Variants in FIGN observed in about 807,000 individuals in gnomAD.
FIGN encodes the protein fidgetin, microtubule severing factor, also known as fidgetin.
FIGN carries 11 observed loss-of-function variants against 51.3 expected under a neutral mutation model. The observed-to-expected ratio is 0.21, with a 90% CI of 0.13 to 0.35. The LOEUF (loss-of-function observed/expected upper bound fraction) is 0.35. FIGN is among the 10% of genes least tolerant of loss of function. The pLI, the probability that FIGN is intolerant of heterozygous loss-of-function variation, is 1.00. For synonymous variants in FIGN, 407 were observed against 363.2 expected (o/e 1.12, Z -1.37); for missense variants, 857 against 943.6 (o/e 0.91, Z 1.20).
At chr2:163,707,374 G>GA (rs1684517921) in intron 2 of FIGN, among the ~76,000 whole-genome samples, 1 of 151,330 alleles carries the variant, frequency 6.6e-6, no homozygotes, top group South Asian at 2.1e-4. Context: ...AACAAAAAAA[G>GA]AAAAAACACT....
At chr2:163,654,950 G>A (rs1412546379) in intron 2 of FIGN, among the ~76,000 whole-genome samples, 4 of 152,112 alleles carry the variant, frequency 2.6e-5, no homozygotes, top group Non-Finnish European at 5.9e-5. Flanking sequence ...AAACCATAGA[G>A]GGCACTTCAG....
intron 2 of FIGN, among the ~76,000 whole-genome samples, chr2:163,725,581 A>AT (rs1389146679): frequency 1.3e-5 from 2 of 152,046 alleles, no homozygotes; most frequent in South Asian, 2.1e-4. Flanking sequence ...AAAATTGTAG[A>AT]TTTTTTACCC....
chr2:163,692,627 A>G (rs951683310), intron 2 of FIGN, among the ~76,000 whole-genome samples: 1 of 152,222 alleles, frequency 6.6e-6, no homozygotes. Context: ...CCTGAAAGGT[A>G]ATAGAGGAGA....
chr2:163,714,780 C>G (rs556914580), intron 2 of FIGN, among the ~76,000 whole-genome samples: 11 of 152,284 alleles, frequency 7.2e-5, no homozygotes, highest in African/African-American at 2.6e-4. Flanking sequence ...TAATCTTATA[C>G]CCATTAATTC....
intron 2 of FIGN, among the ~76,000 whole-genome samples, chr2:163,624,016 C>T (rs1026314844): frequency 6.6e-6 from 1 of 151,762 alleles, no homozygotes; most frequent in Non-Finnish European, 1.5e-5. Flanking sequence ...AGGCTTTTTA[C>T]ATTAACAGGT....
intron 2 of FIGN, among the ~76,000 whole-genome samples, chr2:163,649,376 T>C (rs1683434407): frequency 6.6e-6 from 1 of 152,222 alleles, no homozygotes; most frequent in African/African-American, 2.4e-5. Flanking sequence ...CTTTCAGTCC[T>C]AACAGCTTCG....
chr2:163,637,009 G>A lies in FIGN; in HGVS notation c.26-25203C>T, dbSNP rs371077136. Among the ~76,000 whole-genome samples the A allele has an allele frequency of 1.3e-4, 20 of 151,394 alleles. No individual in the cohort carries two copies. In the East Asian group the frequency reaches 1.4e-3, roughly 10 times the overall value. ...CATGAGAATTGCTTGAACCTGGGAG[G>A]TAGAGGTTGCAGTGAGCCGAGATCA... On this transcript the variant is annotated intron_variant, in intron 2 of 2. Coordinates refer to ENST00000333129, the MANE Select transcript of FIGN (RefSeq NM_018086.4).
At chr2:163,675,706 CTTTTTTTT>C (rs900840520) in intron 2 of FIGN, among the ~76,000 whole-genome samples, 74 of 100,514 alleles carry the variant, frequency 7.4e-4, no homozygotes, top group South Asian at 6.1e-3. Flanking sequence ...TTCTTTCTTT[CTTTTTTTT>C]TTTTTTTTTT....
intron 2 of FIGN, among the ~76,000 whole-genome samples, chr2:163,718,058 G>T (rs754981226): frequency 2.6e-5 from 4 of 152,024 alleles, no homozygotes; most frequent in African/African-American, 4.8e-5. Flanking sequence ...GAAAGTACAG[G>T]GGGGAGGGGG....
At chr2:163,691,426 C>T (rs1365838768) in intron 2 of FIGN, among the ~76,000 whole-genome samples, 2 of 152,118 alleles carry the variant, frequency 1.3e-5, no homozygotes, top group African/African-American at 2.4e-5. Flanking sequence ...GCTACCTGTC[C>T]TCCTTCACTC....
At chr2:163,656,551 G>T (rs1032601226) in intron 2 of FIGN, among the ~76,000 whole-genome samples, 2 of 152,082 alleles carry the variant, frequency 1.3e-5, no homozygotes, top group African/African-American at 4.8e-5. Context: ...TGTATGCCAT[G>T]CCTGAGAAGA....
intron 2 of FIGN, among the ~76,000 whole-genome samples, chr2:163,643,055 T>C (rs1683327711): frequency 1.3e-5 from 2 of 152,098 alleles, no homozygotes; most frequent in African/African-American, 4.8e-5. Context: ...TCATACGAAA[T>C]TGCCAGGGCC....
chr2:163,643,504 A>G (rs2105317607), intron 2 of FIGN, among the ~76,000 whole-genome samples: 1 of 151,240 alleles, frequency 6.6e-6, no homozygotes, highest in African/African-American at 2.4e-5. Context: ...TACAAAAATT[A>G]GCTGGGTGTG....
At chr2:163,734,557 C>CAAAAAAAAA (rs34286375) in intron 2 of FIGN, among the ~76,000 whole-genome samples, 1 of 102,872 alleles carries the variant, frequency 9.7e-6, no homozygotes, top group Non-Finnish European at 1.8e-5. Flanking sequence ...CTCCCTCCTT[C>CAAAAAAAAA]AAAAAAAAAA....
chr2:163,637,812 C>T (rs1405168653), intron 2 of FIGN, among the ~76,000 whole-genome samples: 1 of 151,988 alleles, frequency 6.6e-6, no homozygotes, highest in African/African-American at 2.4e-5. Context: ...AATATGTATC[C>T]TAGTGTTTTT....
At chr2:163,682,083 G>A (rs1020179577) in intron 2 of FIGN, among the ~76,000 whole-genome samples, 1 of 152,020 alleles carries the variant, frequency 6.6e-6, no homozygotes, top group East Asian at 1.9e-4. Flanking sequence ...CAAAAATTCT[G>A]GCAGACACCA....
At chr2:163,659,536 T>G (rs748913440) in intron 2 of FIGN, among the ~76,000 whole-genome samples, 22 of 152,158 alleles carry the variant, frequency 1.4e-4, no homozygotes, top group Non-Finnish European at 2.4e-4. Context: ...TCCCTAGATA[T>G]TGAATGAAAC....
chr2:163,711,449 G>A (rs775379330), intron 2 of FIGN, among the ~76,000 whole-genome samples: 8 of 152,042 alleles, frequency 5.3e-5, no homozygotes, highest in East Asian at 1.9e-4. Context: ...GAACAGGGAC[G>A]CGAGAAGTAG....
At chr2:163,662,566 C>T (rs1032859034) in intron 2 of FIGN, among the ~76,000 whole-genome samples, 4 of 152,182 alleles carry the variant, frequency 2.6e-5, no homozygotes, top group Non-Finnish European at 5.9e-5. Flanking sequence ...AGCAGCCCCT[C>T]CCATCACAGG....
Sources: allele counts gnomAD v4.1 joint callset (sites outside exome capture counted in the v4.1 genomes callset), GRCh38; gene constraint gnomAD v4.1.1; transcripts MANE v1.5; gene names NCBI Gene and HGNC (gene_info 2026-07-23, HGNC 2026-07-21).